Variants in CBR4 observed in about 807,000 individuals in gnomAD.
CBR4 encodes the protein carbonyl reductase 4, also known as 3-oxoacyl-[acyl-carrier-protein] reductase.
CBR4 carries 22 observed loss-of-function variants against 21.0 expected under a neutral mutation model. The observed-to-expected ratio is 1.05, with a 90% CI of 0.75 to 1.50. CBR4 has a LOEUF of 1.50. CBR4 is among the 40% of genes most tolerant of loss of function. The pLI, the probability that CBR4 is intolerant of heterozygous loss-of-function variation, is 0.00. For missense variants in CBR4, 302 were observed against 286.3 expected, an observed-to-expected ratio of 1.05 and a Z score of -0.40; for synonymous variants, 100 against 104.4, an observed-to-expected ratio of 0.96 and a Z score of 0.26.
intron 2 of CBR4, among the ~76,000 whole-genome samples, chr4:168,908,483 C>T (rs1217752521): frequency 1.6e-4 from 24 of 151,968 alleles, no homozygotes; most frequent in Middle Eastern, 3.4e-3. Flanking sequence ...ATAGTCATGT[C>T]ATAAAAGGTG....
At chr4:169,002,237 A>G (rs907146917) in intron 3 of CBR4, 32 bp from the exon 4 acceptor site, 6 of 1,185,864 alleles carry the variant, frequency 5.1e-6, no homozygotes, top group African/African-American at 3.5e-5. Context: ...AAAAAAAAAA[A>G]GCGTATTAAA....
chr4:168,940,379 G>C (rs1763230278), intron 2 of CBR4, among the ~76,000 whole-genome samples: 1 of 152,096 alleles, frequency 6.6e-6, no homozygotes, highest in Admixed American at 6.5e-5. Flanking sequence ...CACAGGCATG[G>C]GCAAAGACTT....
At chr4:168,952,722 C>T (rs1763576238) in intron 2 of CBR4, among the ~76,000 whole-genome samples, 1 of 152,210 alleles carries the variant, frequency 6.6e-6, no homozygotes. Flanking sequence ...CTACCAGGCT[C>T]CAAGCTGGTA....
intron 2 of CBR4, among the ~76,000 whole-genome samples, chr4:168,922,102 TACACA>T (rs1761680615): frequency 4.5e-5 from 6 of 132,604 alleles, no homozygotes; most frequent in Non-Finnish European, 9.4e-5. Flanking sequence ...TATATATATA[TACACA>T]CACACACACA....
intron 2 of CBR4, among the ~76,000 whole-genome samples, chr4:168,939,922 G>C (rs1763215869): frequency 1.3e-5 from 2 of 152,040 alleles, no homozygotes; most frequent in South Asian, 4.2e-4. Flanking sequence ...TTTCTTCACA[G>C]AATTAGAAAA....
At chr4:168,990,930 T>C (rs918628299) in intron 4 of CBR4, among the ~76,000 whole-genome samples, 27 of 151,908 alleles carry the variant, frequency 1.8e-4, no homozygotes, top group African/African-American at 5.5e-4. Context: ...GGTGGACGCC[T>C]GTAATCCCAG....
intron 2 of CBR4, among the ~76,000 whole-genome samples, chr4:168,896,124 C>T (rs1265390040): frequency 6.6e-6 from 1 of 151,616 alleles, no homozygotes; most frequent in East Asian, 1.9e-4. Context: ...ACATGAGAAT[C>T]GCTTGAACCC....
chr4:168,976,420 G>T (rs1440717923), intron 2 of CBR4, among the ~76,000 whole-genome samples: 1 of 152,218 alleles, frequency 6.6e-6, no homozygotes, highest in African/African-American at 2.4e-5. Context: ...CAACAAGGCT[G>T]TTTATTTCAC....
At chr4:168,903,300 T>C (rs1209296729) in intron 2 of CBR4, among the ~76,000 whole-genome samples, 1 of 152,152 alleles carries the variant, frequency 6.6e-6, no homozygotes, top group East Asian at 1.9e-4. Context: ...TGATTAGAGT[T>C]TGGGGTCTGC....
chr4:169,009,806 T>C (rs1731248578), intron 1 of CBR4, 142 bp downstream of exon 1: 1 of 751,036 alleles, frequency 1.3e-6, no homozygotes, highest in South Asian at 2.0e-5. Flanking sequence ...ATTCTACCCT[T>C]GGAACGGGAG....
intron 2 of CBR4, among the ~76,000 whole-genome samples, chr4:168,971,733 C>G (rs916965231): frequency 6.6e-6 from 1 of 152,142 alleles, no homozygotes; most frequent in African/African-American, 2.4e-5. Flanking sequence ...TATTTTCTCC[C>G]ACTCTGTGAG....
At chr4:168,996,829 A>G (rs1288913134) in intron 4 of CBR4, among the ~76,000 whole-genome samples, 1 of 152,200 alleles carries the variant, frequency 6.6e-6, no homozygotes, top group Non-Finnish European at 1.5e-5. Flanking sequence ...TGGAACTTCC[A>G]TGTCATTTTA....
chr4:169,000,684 G>GA (rs1370245382), intron 4 of CBR4, among the ~76,000 whole-genome samples: 4 of 152,294 alleles, frequency 2.6e-5, no homozygotes, highest in Non-Finnish European at 5.9e-5. Flanking sequence ...CTAACTGGCA[G>GA]AGGTAGATAA....
intron 3 of CBR4, among the ~76,000 whole-genome samples, chr4:169,004,388 A>G (rs990917954): frequency 2.6e-5 from 4 of 152,256 alleles, no homozygotes; most frequent in Non-Finnish European, 4.4e-5. Context: ...TTGACTCTTC[A>G]TTTCATGAAA....
intron 2 of CBR4, among the ~76,000 whole-genome samples, chr4:168,911,750 C>T (rs935325178): frequency 6.6e-6 from 1 of 152,186 alleles, no homozygotes; most frequent in African/African-American, 2.4e-5. Flanking sequence ...GCCTGTGCTT[C>T]AGGTACAGTT....
chr4:168,963,658 C>A (rs1244855530), intron 2 of CBR4, among the ~76,000 whole-genome samples: 1 of 151,852 alleles, frequency 6.6e-6, no homozygotes, highest in Non-Finnish European at 1.5e-5. Context: ...TTAGGAGAGA[C>A]AGGGTTTCAC....
chr4:168,974,969 T>C (rs762192524), intron 2 of CBR4, among the ~76,000 whole-genome samples: 2 of 152,218 alleles, frequency 1.3e-5, no homozygotes, highest in Non-Finnish European at 2.9e-5. Flanking sequence ...CTGGGGATGC[T>C]ATTAAAGAAT....
chr4:168,974,785 T>A (rs1764319202), intron 2 of CBR4, among the ~76,000 whole-genome samples: 1 of 152,226 alleles, frequency 6.6e-6, no homozygotes, highest in Non-Finnish European at 1.5e-5. Context: ...TCTATTTCTC[T>A]GGAGACTGTT....
At chr4:169,000,837 C>G (rs1157808408) in intron 4 of CBR4, among the ~76,000 whole-genome samples, 1 of 151,930 alleles carries the variant, frequency 6.6e-6, no homozygotes, top group Non-Finnish European at 1.5e-5. Context: ...CAACTAGTAC[C>G]CTGGCGAAAG....
Sources: allele counts gnomAD v4.1 joint callset (sites outside exome capture counted in the v4.1 genomes callset), GRCh38; gene constraint gnomAD v4.1.1; transcripts MANE v1.5; gene names NCBI Gene and HGNC (gene_info 2026-07-23, HGNC 2026-07-21).